Variants in RARB observed in about 807,000 individuals in gnomAD.
The protein encoded by RARB is retinoic acid receptor beta.
RARB carries 17 observed loss-of-function variants against 51.9 expected under a neutral mutation model. The ratio of observed to expected loss-of-function variants is 0.33; its 90% confidence interval spans 0.22 to 0.49. RARB has a LOEUF of 0.49. Among genes scored for constraint, RARB ranks in the 20% least tolerant of loss-of-function variants. The pLI is 0.99. For synonymous variants in RARB, 215 were observed against 195.4 expected (o/e 1.10, Z -0.84); for missense variants, 369 against 550.8 (o/e 0.67, Z 3.30).
intron 2 of RARB, among the ~76,000 whole-genome samples, chr3:25,483,915 C>T (rs1034108919): frequency 6.6e-6 from 1 of 152,192 alleles, no homozygotes; most frequent in Non-Finnish European, 1.5e-5. Flanking sequence ...TGGGCACTCA[C>T]AAATATTTGC....
intron 1 of RARB, among the ~76,000 whole-genome samples, chr3:25,444,718 A>G (rs1708852339): frequency 6.6e-6 from 1 of 152,182 alleles, no homozygotes; most frequent in Non-Finnish European, 1.5e-5. Context: ...AAGTAAAAAT[A>G]CAACAGCACT....
At chr3:25,233,416 G>T (rs1305992370) in intron 5 of RARB, among the ~76,000 whole-genome samples, 1 of 152,054 alleles carries the variant, frequency 6.6e-6, no homozygotes, top group African/African-American at 2.4e-5. Context: ...TCACTTATTA[G>T]TTCTAGGAGG....
At chr3:25,323,127 G>A (rs868314647) in intron 5 of RARB, among the ~76,000 whole-genome samples, 4 of 151,460 alleles carry the variant, frequency 2.6e-5, no homozygotes, top group African/African-American at 7.2e-5. Flanking sequence ...CAGAATACCC[G>A]GGGCTCAAGG....
chr3:25,552,625 A>C (rs1699893508), intron 3 of RARB, among the ~76,000 whole-genome samples: 1 of 152,202 alleles, frequency 6.6e-6, no homozygotes, highest in Admixed American at 6.5e-5. Flanking sequence ...TCAAGTTCTT[A>C]GAAGGTCAGT....
intron 5 of RARB, among the ~76,000 whole-genome samples, chr3:25,229,608 A>G (rs995537708): frequency 4.6e-5 from 7 of 152,102 alleles, no homozygotes; most frequent in Non-Finnish European, 1.0e-4. Flanking sequence ...AGATAAAATG[A>G]TGGAGTGTAC....
intron 2 of RARB, among the ~76,000 whole-genome samples, chr3:24,928,752 T>C (rs934898199): frequency 2.0e-5 from 3 of 152,014 alleles, no homozygotes; most frequent in African/African-American, 7.2e-5. Context: ...AAATCCTCAT[T>C]TAGATTCTCT....
At chr3:24,948,370 T>C (rs1268283008) in intron 2 of RARB, among the ~76,000 whole-genome samples, 1 of 152,206 alleles carries the variant, frequency 6.6e-6, no homozygotes, top group African/African-American at 2.4e-5. Context: ...GGTAACATTG[T>C]TTTCTTTTCA....
At chr3:24,835,061 T>C (rs1169396889) in intron 1 of RARB, among the ~76,000 whole-genome samples, 3 of 152,182 alleles carry the variant, frequency 2.0e-5, no homozygotes, top group Non-Finnish European at 2.9e-5. Context: ...ATCACTCTTA[T>C]ATAAGCAAAA....
At chr3:24,921,357 G>A (rs746053153) in intron 2 of RARB, among the ~76,000 whole-genome samples, 7 of 152,132 alleles carry the variant, frequency 4.6e-5, no homozygotes, top group Non-Finnish European at 8.8e-5. Context: ...AAGCTGGAGT[G>A]ACTAGAAGAA....
chr3:25,221,640 C>A (rs74615686), intron 5 of RARB, among the ~76,000 whole-genome samples: 1 of 143,630 alleles, frequency 7.0e-6, no homozygotes, highest in African/African-American at 2.6e-5. Context: ...TATAATATAC[C>A]GTTTCTGGCA....
intron 5 of RARB, among the ~76,000 whole-genome samples, chr3:25,413,613 T>G (rs183638745): frequency 2.4e-4 from 37 of 152,346 alleles, no homozygotes; most frequent in African/African-American, 7.9e-4. Context: ...TATGAAAATT[T>G]AGATTTCTCC....
chr3:25,212,020 A>C lies in RARB; in HGVS notation c.178+37445A>C, dbSNP rs541307930. Among the ~76,000 whole-genome samples, 7 of 152,250 alleles carry C rather than the reference A, an allele frequency of 4.6e-5. No individual in the cohort carries two copies. In the East Asian group the frequency reaches 1.4e-3, roughly 29 times the overall value. On this transcript the variant is annotated intron_variant, in intron 5 of 11. Transcript: ENST00000383772. The stretch of plus-strand genomic sequence containing the variant: ...AGATATATTTTACTACCTAAATTTC[A>C]CTTTGTTTGGCTGGGTATTTCTGTT...
intron 2 of RARB, among the ~76,000 whole-genome samples, chr3:24,937,053 T>TA (rs1312669198): frequency 6.6e-6 from 1 of 152,226 alleles, no homozygotes; most frequent in African/African-American, 2.4e-5. Flanking sequence ...CTATTGTCTG[T>TA]AAAAGAATGT....
intron 5 of RARB, among the ~76,000 whole-genome samples, chr3:25,268,459 C>T (rs549282925): frequency 6.6e-6 from 1 of 151,654 alleles, no homozygotes; most frequent in Non-Finnish European, 1.5e-5. Context: ...ATTATTTTCT[C>T]CAACTCAGAT....
At chr3:25,242,661 G>T (rs943406872) in intron 5 of RARB, among the ~76,000 whole-genome samples, 1 of 152,094 alleles carries the variant, frequency 6.6e-6, no homozygotes, top group African/African-American at 2.4e-5. Flanking sequence ...TGTTCCATTG[G>T]TCTATATATC....
chr3:24,964,447 C>T (rs1197210657), intron 2 of RARB, among the ~76,000 whole-genome samples: 1 of 152,088 alleles, frequency 6.6e-6, no homozygotes, highest in Non-Finnish European at 1.5e-5. Context: ...CTTTTCAAGA[C>T]CTGGTTGCCT....
At chr3:25,174,277 T>G (rs1700699734) in exon 5 of RARB, 6 of 806,710 alleles carry the variant, frequency 7.4e-6, no homozygotes, top group Non-Finnish European at 7.2e-6. Flanking sequence ...CATCTTGACT[T>G]TGGCCCAGAA....
rs145315880 is a variant in RARB at position 25,147,111 on chromosome 3, G to C, written c.-280+14903G>C. Reference sequence around the variant, plus strand: ...TAGATGTTAGTGTTTCTAAACTCACGTGAAGATAAAATTCATTGGGGGACA... The same window carrying C: ...TAGATGTTAGTGTTTCTAAACTCACCTGAAGATAAAATTCATTGGGGGACA... On this transcript the variant is annotated intron_variant, in intron 4 of 11. Coordinates refer to the RARB transcript ENST00000383772. Among the ~76,000 whole-genome samples the C allele has an allele frequency of 1.1e-4, 17 of 152,260 alleles. No homozygotes were observed. In the East Asian group the frequency reaches 3.1e-3, roughly 28 times the overall value.
chr3:25,414,436 AG>A, intron 5 of RARB, among the ~76,000 whole-genome samples: 1 of 152,358 alleles, frequency 6.6e-6, no homozygotes, highest in East Asian at 1.9e-4. Flanking sequence ...GTAAACACCT[AG>A]GCATGGAATG....
Sources: allele counts gnomAD v4.1 joint callset (sites outside exome capture counted in the v4.1 genomes callset), GRCh38; gene constraint gnomAD v4.1.1; transcripts MANE v1.5; gene names NCBI Gene and HGNC (gene_info 2026-07-23, HGNC 2026-07-21).